The following SDHAF4 variants were observed in gnomAD, a reference collection of about 807,000 sequenced individuals.
SDHAF4 encodes succinate dehydrogenase assembly factor 4, mitochondrial.
SDHAF4 carries 14 observed loss-of-function variants against 14.3 expected under a neutral mutation model. That is an observed-to-expected ratio of 0.98 (90% CI 0.65 to 1.53). The LOEUF (loss-of-function observed/expected upper bound fraction) is 1.53, where lower values mean the gene tolerates loss of function less well. SDHAF4 is among the 40% of genes most tolerant of loss of function. SDHAF4 has a pLI of 0.00. For synonymous variants in SDHAF4, 63 were observed against 47.3 expected (o/e 1.33, Z -1.36); for missense variants, 141 against 129.3 (o/e 1.09, Z -0.44).
the SDHAF4 span, among the ~76,000 whole-genome samples, chr6:70,595,335 T>G: frequency 1.3e-5 from 2 of 152,216 alleles, no homozygotes; most frequent in Non-Finnish European, 2.9e-5. Flanking sequence ...CAATATTACT[T>G]GAGAAGATTG....
intron 1 of SDHAF4, among the ~76,000 whole-genome samples, chr6:70,570,443 C>T (rs1314459143): frequency 6.6e-6 from 1 of 152,170 alleles, no homozygotes; most frequent in Non-Finnish European, 1.5e-5. Context: ...CTGCCTCAGC[C>T]TCCCGAGTAG....
At chr6:70,591,318 CGTT>C (rs1377885468), downstream of SDHAF4, among the ~76,000 whole-genome samples, 2 of 141,094 alleles carry the variant, frequency 1.4e-5, no homozygotes, top group South Asian at 2.4e-4. Flanking sequence ...AGTCTCTAGG[CGTT>C]GTGAGAGGAA....
downstream of SDHAF4, among the ~76,000 whole-genome samples, chr6:70,591,334 ATTTTTT>A (rs76350573): frequency 1.5e-4 from 15 of 101,226 alleles, no homozygotes; most frequent in Admixed American, 2.0e-4. Context: ...GAGAGGAAAG[ATTTTTT>A]TTTTTTTTTT....
In SDHAF4 at chr6:70,579,480, T is replaced by A. The variant is rs748949898; in HGVS notation, c.131T>A (p.Val44Asp). 2 of 1,611,768 alleles carry A rather than the reference T, an allele frequency of 1.2e-6. No individual in the cohort carries two copies. Among genetic ancestry groups the A allele is most frequent in the South Asian group, 2.2e-5 (2 of 90,724 alleles). Residue 44 changes from valine to aspartate, a missense_variant, in exon 2 of 3, where the codon GTC becomes GAC. By Grantham distance (152) the Val-to-Asp change is radical. Transcript: ENST00000370474. ...SSSQGGKSELVKQSLKKPKLP... is the reference protein window; with the variant it reads ...SSSQGGKSELDKQSLKKPKLP... The stretch of plus-strand genomic sequence containing the variant: ...TCTCAAGGAGGAAAGTCTGAACTTG[T>A]CAAACAGTCCCTTAAGAAGCCGAAG...
chr6:70,586,399 G>A (rs79670242), intron 2 of SDHAF4, among the ~76,000 whole-genome samples: 3,161 of 130,956 alleles, frequency 0.024, 71 homozygotes, highest in African/African-American at 0.064. Context: ...CCTTGCCAGA[G>A]TTTGTTATTC....
chr6:70,567,001 G>GC lies in SDHAF4; in HGVS notation c.62dup (p.Arg22LysfsTer21), dbSNP rs1211161689. 1.2e-5 allele frequency: 19 copies of GC among 1,586,944 alleles called. No individual in the cohort carries two copies. The African/African-American group carries it at 2.4e-4, about 20-fold the overall frequency. On this transcript the variant is annotated frameshift_variant, in exon 1 of 3. Transcript: ENST00000370474. LOFTEE classifies it high-confidence loss of function. ...GGTCTCGGCCACGGCGTGGAGAGCG[G>GC]CAAGTAAGCACCTGGCCTCGGGGCC...
chr6:70,588,645 A>C lies in SDHAF4; in HGVS notation c.248A>C (p.Lys83Thr). Residue 83 changes from lysine (K) to threonine (T), a missense_variant, in exon 3 of 3, where the codon AAA (lysine) becomes ACA (threonine). By Grantham distance (78) the Lys-to-Thr change is moderately conservative (BLOSUM62 -1). Coordinates refer to ENST00000370474, the MANE Select transcript of SDHAF4 (RefSeq NM_145267.3). ...CCAGATGATGTTAATCCAGTGACCA[A>C]AGAAAAAGGTGGACCCAGGGGCCCA... The part of the protein sequence containing the change: ...KFPDDVNPVT[K>T]EKGGPRGPEP... The C allele has an allele frequency of 6.3e-7, 1 of 1,599,866 alleles. No individual in the cohort carries two copies. Among genetic ancestry groups the C allele is most frequent in the Non-Finnish European group, 8.5e-7 (1 of 1,170,670 alleles).
At chr6:70,576,443 C>T (rs1802256519) in intron 1 of SDHAF4, among the ~76,000 whole-genome samples, 1 of 152,138 alleles carries the variant, frequency 6.6e-6, no homozygotes, top group South Asian at 2.1e-4. Flanking sequence ...CCTCGCTTTC[C>T]CCAAGACACA....
Position 70,582,486 on chromosome 6 carries a change from A to G in SDHAF4, c.217+2920A>G, listed in dbSNP as rs960132745. Among the ~76,000 whole-genome samples the G allele has an allele frequency of 2.0e-5, 3 of 152,252 alleles. No individual in the cohort carries two copies. In the South Asian group the frequency reaches 6.2e-4, roughly 32 times the overall value. ...GCCTCCTGAGTATCTTTCTTTGCAC[A>G]TTCCAGAAGTCTCAAAATTAATATT... On this transcript the variant is annotated intron_variant, in intron 2 of 2. Coordinates refer to ENST00000370474, the MANE Select transcript of SDHAF4 (RefSeq NM_145267.3).
chr6:70,578,856 C>G (rs2691490), intron 1 of SDHAF4, among the ~76,000 whole-genome samples: 48,852 of 151,988 alleles, frequency 0.32, 12,344 homozygotes, highest in African/African-American at 0.7. Flanking sequence ...ATAAAACAAT[C>G]TTTTTTTAGA....
Position 70,567,004 on chromosome 6 carries a change from A to G in SDHAF4, c.64A>G (p.Arg22Gly), listed in dbSNP as rs780039929. The G allele has an allele frequency of 6.4e-5, 102 of 1,586,648 alleles. No individual in the cohort carries two copies. Among genetic ancestry groups the G allele is most frequent in the Non-Finnish European group, 8.1e-5 (94 of 1,166,624 alleles). Residue 22 changes from arginine to glycine, a missense_variant and splice_region_variant, in exon 1 of 3, where the codon AGA (arginine) becomes GGA (glycine). Physicochemically the swap from Arg to Gly is moderately radical, Grantham distance 125. Transcript: ENST00000370474. ...CTCGGCCACGGCGTGGAGAGCGGCA[A>G]GTAAGCACCTGGCCTCGGGGCCACG... ...WVSATAWRAARSPLLCHSLRK... is the reference protein window; with the variant it reads ...WVSATAWRAAGSPLLCHSLRK...
At chr6:70,575,790 T>A (rs894320432) in intron 1 of SDHAF4, among the ~76,000 whole-genome samples, 1 of 151,936 alleles carries the variant, frequency 6.6e-6, no homozygotes. Flanking sequence ...TCTTCTTGTC[T>A]ATTATGTCCA....
intron 2 of SDHAF4, among the ~76,000 whole-genome samples, chr6:70,587,183 C>T (rs1438781394): frequency 6.7e-6 from 1 of 149,248 alleles, no homozygotes; most frequent in East Asian, 2.0e-4. Context: ...CACACACACA[C>T]ACACACACAC....
chr6:70,569,254 G>C (rs892542422), intron 1 of SDHAF4, among the ~76,000 whole-genome samples: 8 of 150,248 alleles, frequency 5.3e-5, no homozygotes, highest in Non-Finnish European at 1.0e-4. Context: ...GTGAGCCACC[G>C]CACCCGGCCT....
At chr6:70,577,958 A>T (rs1400638006) in intron 1 of SDHAF4, among the ~76,000 whole-genome samples, 5 of 152,134 alleles carry the variant, frequency 3.3e-5, no homozygotes, top group African/African-American at 1.2e-4. Context: ...CATTTTCTTT[A>T]TCCAGTCCAC....
chr6:70,597,299 A>ATT, the SDHAF4 span, among the ~76,000 whole-genome samples: 1,210 of 108,046 alleles, frequency 0.011, 45 homozygotes, highest in African/African-American at 0.042. Flanking sequence ...CGCCTGGCTA[A>ATT]TTTTTTTTTT....
At position 70,589,003 on chromosome 6, in the gene SDHAF4, G is replaced by C. The variant is rs987862083; in HGVS notation, c.*279G>C. The stretch of plus-strand genomic sequence containing the variant: ...TAATCCCAACTACTCTGGAGGCTGA[G>C]GCAGGAGAATGGCTTAAACCCAGGA... On this transcript the variant is annotated 3_prime_UTR_variant, in exon 3 of 3. Coordinates refer to ENST00000370474, the MANE Select transcript of SDHAF4 (RefSeq NM_145267.3). 1 of 161,896 alleles carries C rather than the reference G, an allele frequency of 6.2e-6. No homozygotes were observed. The highest frequency in any genetic ancestry group is 2.4e-5 in the African/African-American group (1 of 41,500). The allele number at this position is 161,896 out of a possible 1,614,324, so 10.0% of individuals were successfully genotyped here.
chr6:70,591,969 G>A (rs537734256), downstream of SDHAF4, among the ~76,000 whole-genome samples: 4 of 152,308 alleles, frequency 2.6e-5, no homozygotes, highest in South Asian at 8.3e-4. Context: ...GGTGCTTTAT[G>A]AGAAGAGGAA....
At chr6:70,595,845 AAAAAAAAGAAAAG>A in the SDHAF4 span, among the ~76,000 whole-genome samples, 2 of 129,518 alleles carry the variant, frequency 1.5e-5, no homozygotes, top group Non-Finnish European at 3.3e-5. Context: ...CAAAAAAAAA[AAAAAAAAGAAAAG>A]AAAAAAAGAA....
Sources: allele counts gnomAD v4.1 joint callset (sites outside exome capture counted in the v4.1 genomes callset), GRCh38; gene constraint gnomAD v4.1.1; transcripts MANE v1.5; gene names NCBI Gene and HGNC (gene_info 2026-07-23, HGNC 2026-07-21).